The following PTPRM variants were observed in gnomAD, a reference collection of about 807,000 sequenced individuals.
PTPRM encodes the protein receptor-type tyrosine-protein phosphatase mu.
Under a neutral mutation model 186.7 loss-of-function variants are expected in PTPRM, and 47 were observed. The observed-to-expected ratio is 0.25, with a 90% CI of 0.20 to 0.32. The LOEUF (loss-of-function observed/expected upper bound fraction) is 0.32, where lower values mean the gene tolerates loss of function less well. Ranked by LOEUF, PTPRM falls within the 10% of genes least tolerant of loss-of-function variation. The pLI is 1.00. For synonymous variants in PTPRM, 668 were observed against 674.9 expected (o/e 0.99, Z 0.16); for missense variants, 1,494 against 1,865.0 (o/e 0.80, Z 3.66).
intron 1 of PTPRM, among the ~76,000 whole-genome samples, chr18:7,670,258 T>C (rs1348180500): frequency 6.6e-6 from 1 of 152,208 alleles, no homozygotes; most frequent in Non-Finnish European, 1.5e-5. Context: ...GTTTCAAGTA[T>C]TCAGTAGCCA....
chr18:8,131,746 G>A (rs1334695200), intron 13 of PTPRM, among the ~76,000 whole-genome samples: 2 of 152,212 alleles, frequency 1.3e-5, no homozygotes, highest in Non-Finnish European at 2.9e-5. Context: ...AAAGCTATTT[G>A]TAAGGGAATG....
chr18:7,671,853 G>A (rs149317633), intron 1 of PTPRM, among the ~76,000 whole-genome samples: 131 of 152,218 alleles, frequency 8.6e-4, no homozygotes, highest in African/African-American at 2.9e-3. Context: ...CTGGTGTACC[G>A]AAGTCTAAAA....
chr18:7,719,763 A>G (rs1237708690), intron 1 of PTPRM, among the ~76,000 whole-genome samples: 3 of 152,232 alleles, frequency 2.0e-5, no homozygotes, highest in Admixed American at 2.0e-4. Flanking sequence ...AAATCAAACA[A>G]GGAAAAATAG....
intron 7 of PTPRM, among the ~76,000 whole-genome samples, chr18:8,058,707 A>G (rs1600308856): frequency 4.7e-5 from 3 of 63,984 alleles, no homozygotes; most frequent in South Asian, 6.3e-4. Context: ...TTTATTAAAT[A>G]GGGAATCCTT....
intron 2 of PTPRM, among the ~76,000 whole-genome samples, chr18:7,781,554 G>T (rs530856610): frequency 6.6e-6 from 1 of 152,144 alleles, no homozygotes; most frequent in Non-Finnish European, 1.5e-5. Context: ...CCATCACCCA[G>T]GTAGTGAGCA....
chr18:7,583,732 G>A (rs959638493), intron 1 of PTPRM, among the ~76,000 whole-genome samples: 11 of 152,196 alleles, frequency 7.2e-5, no homozygotes, highest in Non-Finnish European at 1.2e-4. Context: ...TACAAATCCC[G>A]TAGATAGAAC....
At chr18:7,879,538 G>C (rs2048398922) in intron 2 of PTPRM, among the ~76,000 whole-genome samples, 1 of 152,086 alleles carries the variant, frequency 6.6e-6, no homozygotes, top group African/African-American at 2.4e-5. Context: ...ATGGCTAAAA[G>C]TGACTAGTTA....
chr18:7,884,924 C>CAAAAAAAAAAAAAAAA (rs56724615), intron 2 of PTPRM, among the ~76,000 whole-genome samples: 15 of 37,846 alleles, frequency 4.0e-4, no homozygotes, highest in Non-Finnish European at 4.8e-4. Context: ...AGCTCCATCT[C>CAAAAAAAAAAAAAAAA]AAAAAAAAAA....
intron 1 of PTPRM, among the ~76,000 whole-genome samples, chr18:7,709,462 A>T (rs983442767): frequency 1.3e-5 from 2 of 152,188 alleles, no homozygotes; most frequent in Admixed American, 1.3e-4. Context: ...AGTCTGAAAG[A>T]GCACAAATAG....
At chr18:7,747,533 G>A (rs2041022575) in intron 1 of PTPRM, 1 of 152,244 alleles carries the variant, frequency 6.6e-6, no homozygotes, top group Non-Finnish European at 1.5e-5. Context: ...GGGCTGTGAG[G>A]GAGAATCTGT....
chr18:8,289,607 C>T (rs868438006), intron 19 of PTPRM, among the ~76,000 whole-genome samples: 53 of 106,118 alleles, frequency 5.0e-4, no homozygotes, highest in South Asian at 2.1e-3. Context: ...TATATACACA[C>T]ATATATATAT....
At chr18:8,298,632 C>T (rs1476062025) in intron 20 of PTPRM, among the ~76,000 whole-genome samples, 1 of 152,206 alleles carries the variant, frequency 6.6e-6, no homozygotes, top group Non-Finnish European at 1.5e-5. Flanking sequence ...GCACTTTGCA[C>T]ATCGAAACCC....
chr18:7,633,491 C>T (rs1265321055), intron 1 of PTPRM, among the ~76,000 whole-genome samples: 1 of 152,150 alleles, frequency 6.6e-6, no homozygotes, highest in African/African-American at 2.4e-5. Context: ...TTGCCTTGTA[C>T]TTGACTTCCA....
In PTPRM at chr18:7,606,528, A is replaced by G. The variant is rs142536609; in HGVS notation, c.73+38637A>G. On this transcript the variant is annotated intron_variant, in intron 1 of 32. Transcript: ENST00000580170. ...ATTTTTGATTTTTTTTTCATGTCTG[A>G]CTTTGAATTGTTGAATTCATCCAAG... Among the ~76,000 whole-genome samples, 477 of 152,164 alleles carry G rather than the reference A, an allele frequency of 3.1e-3. 1 individual carries two copies. Among genetic ancestry groups the G allele is most frequent in the Non-Finnish European group, 4.1e-3 (278 of 67,996 alleles).
intron 1 of PTPRM, among the ~76,000 whole-genome samples, chr18:7,572,921 A>G (rs971219168): frequency 6.6e-6 from 1 of 152,222 alleles, no homozygotes; most frequent in Non-Finnish European, 1.5e-5. Flanking sequence ...GCTTCCTAAA[A>G]TACCGCGGTG....
chr18:8,218,908 G>A (rs1038822802), intron 14 of PTPRM, among the ~76,000 whole-genome samples: 1 of 152,190 alleles, frequency 6.6e-6, no homozygotes, highest in Non-Finnish European at 1.5e-5. Context: ...TAGAACTCAG[G>A]AAGATAAAAC....
chr18:8,248,130 C>G lies in PTPRM; in HGVS notation c.2528-20C>G, dbSNP rs746950146. 30 of 1,526,722 alleles carry G rather than the reference C, an allele frequency of 2.0e-5. No homozygotes were observed. Among genetic ancestry groups the G allele is most frequent in the Non-Finnish European group, 2.6e-5 (29 of 1,100,726 alleles). 94.6% of individuals were successfully genotyped at this position (1,526,722 alleles called of 1,614,324 possible). ...CTCTTTTTACTTTCTCTGCATTGAC[C>G]TGCTTACGGTGTATGACAGACCCAT... On this transcript the variant is annotated intron_variant, in intron 16 of 32. Transcript: ENST00000580170.
At chr18:7,807,725 A>G (rs1047145400) in intron 2 of PTPRM, among the ~76,000 whole-genome samples, 26 of 152,350 alleles carry the variant, frequency 1.7e-4, no homozygotes, top group African/African-American at 5.3e-4. Context: ...ATTGGCTAAG[A>G]CTAGGATCAT....
chr18:7,690,715 T>C (rs778823334), intron 1 of PTPRM, among the ~76,000 whole-genome samples: 2 of 152,214 alleles, frequency 1.3e-5, no homozygotes, highest in African/African-American at 4.8e-5. Flanking sequence ...GCAAGTGATA[T>C]AGTTCAGTAC....
Sources: allele counts gnomAD v4.1 joint callset (sites outside exome capture counted in the v4.1 genomes callset), GRCh38; gene constraint gnomAD v4.1.1; transcripts MANE v1.5; gene names NCBI Gene and HGNC (gene_info 2026-07-23, HGNC 2026-07-21).